Variants in ADGRE1 observed in about 807,000 individuals in gnomAD.
ADGRE1 encodes the protein EGF-like module receptor 1.
In ADGRE1, 82 loss-of-function variants were observed where a neutral mutation model predicts 102.7. The ratio of observed to expected loss-of-function variants is 0.80; its 90% CI spans 0.67 to 0.96. The LOEUF is 0.96. Ranked by LOEUF, ADGRE1 falls within the 40% of genes least tolerant of loss-of-function variation. The pLI is 0.00. For missense variants in ADGRE1, 1,032 were observed against 1,085.3 expected (o/e 0.95, Z 0.69); for synonymous variants, 398 against 399.6 (o/e 1.00, Z 0.05).
intron 17 of ADGRE1, 152 bp downstream of exon 17, chr19:6,928,363 C>G: frequency 2.0e-6 from 3 of 1,500,582 alleles, no homozygotes; most frequent in Non-Finnish European, 1.8e-6. Context: ...TGGTGGCTCA[C>G]GCCTGTAATC....
At chr19:6,928,020 A>G in intron 16 of ADGRE1, 125 bp from the exon 17 acceptor site, 1 of 1,225,472 alleles carries the variant, frequency 8.2e-7, no homozygotes, top group Non-Finnish European at 1.1e-6. Flanking sequence ...AACCGGGACC[A>G]TCCTGAGCAT....
chr19:6,905,820 A>G (rs568790226), intron 8 of ADGRE1, among the ~76,000 whole-genome samples: 2 of 152,146 alleles, frequency 1.3e-5, no homozygotes, highest in African/African-American at 4.8e-5. Context: ...TATCTGATGT[A>G]TTTCCAAATA....
intron 15 of ADGRE1, among the ~76,000 whole-genome samples, chr19:6,925,090 T>C (rs933411468): frequency 8.5e-5 from 13 of 152,298 alleles, no homozygotes; most frequent in Non-Finnish European, 4.4e-5. Context: ...TTATGAATTA[T>C]AGTGGTTCCT....
intron 6 of ADGRE1, among the ~76,000 whole-genome samples, chr19:6,902,718 G>A (rs1041165231): frequency 1.4e-4 from 22 of 151,986 alleles, no homozygotes; most frequent in African/African-American, 5.1e-4. Flanking sequence ...TTGGATTACA[G>A]GCATGAGCCA....
At chr19:6,910,228 A>G (rs607231) in intron 10 of ADGRE1, among the ~76,000 whole-genome samples, 95,570 of 151,822 alleles carry the variant, frequency 0.63, 31,908 homozygotes, top group Non-Finnish European at 0.75. Context: ...TTGATAAATG[A>G]TTAATCCTAT....
At position 6,913,725 on chromosome 19, in the gene ADGRE1, T is replaced by C; in HGVS notation, c.1195T>C (p.Ser399Pro). 1 of 1,613,292 alleles carries C rather than the reference T, an allele frequency of 6.2e-7. No homozygotes were observed. The highest frequency in any genetic ancestry group is 8.5e-7 in the Non-Finnish European group (1 of 1,179,588). Residue 399 changes from serine to proline, a missense_variant, in exon 11 of 21, where the codon TCC (serine) becomes CCC (proline). Coordinates refer to ENST00000312053, the MANE Select transcript of ADGRE1 (RefSeq NM_001974.5). Reference sequence around the variant, plus strand: ...GACTAAATTCACCAAGGAAGAGACGTCCTCCCTGGCCACAGTCTTCCTGGA... The same window carrying C: ...GACTAAATTCACCAAGGAAGAGACGCCCTCCCTGGCCACAGTCTTCCTGGA... ...TWTKFTKEET[S>P]SLATVFLESV...
intron 18 of ADGRE1, 94 bp from the exon 19 acceptor site, chr19:6,937,149 G>C: frequency 3.5e-6 from 5 of 1,423,416 alleles, no homozygotes; most frequent in Non-Finnish European, 4.8e-6. Flanking sequence ...GTGGCAAATT[G>C]GAGAGTGGCC....
intron 16 of ADGRE1, among the ~76,000 whole-genome samples, chr19:6,927,663 G>T (rs1974977455): frequency 6.6e-6 from 1 of 150,894 alleles, no homozygotes. Flanking sequence ...TTATTTATTT[G>T]TTATTTATTT....
At position 6,916,267 on chromosome 19, in the gene ADGRE1, T is replaced by C. The variant is rs1227489056; in HGVS notation, c.1319T>C (p.Ile440Thr). 1.9e-6 allele frequency: 3 copies of C among 1,612,878 alleles called. No homozygotes were observed. The highest frequency in any genetic ancestry group is 2.5e-6 in the Non-Finnish European group (3 of 1,179,298). Residue 440 changes from isoleucine (I) to threonine (T), a missense_variant, in exon 12 of 21, where the codon ATC becomes ACC. Physicochemically the swap from Ile to Thr is moderately conservative, Grantham distance 89. Coordinates refer to ENST00000312053, the MANE Select transcript of ADGRE1 (RefSeq NM_001974.5). Reference sequence around the variant, plus strand: ...TTTTTAGACATTGAGAGCAAAGTTATCAACAAAGAATGCAGTGAAGAGAAT... The same window carrying C: ...TTTTTAGACATTGAGAGCAAAGTTACCAACAAAGAATGCAGTGAAGAGAAT... The part of the protein sequence containing the change: ...TEYLDIESKV[I>T]NKECSEENVT...
chr19:6,897,326 G>C (rs573404152), intron 4 of ADGRE1, 22 bp downstream of exon 4: 2 of 1,613,664 alleles, frequency 1.2e-6, no homozygotes, highest in Non-Finnish European at 1.7e-6. Flanking sequence ...AGGTTCCCAG[G>C]GATGGGTCTT....
At chr19:6,892,908 A>G (rs1363234605) in intron 2 of ADGRE1, among the ~76,000 whole-genome samples, 5 of 152,208 alleles carry the variant, frequency 3.3e-5, no homozygotes, top group African/African-American at 1.2e-4. Context: ...CTACTGTGCT[A>G]CTGAGCACTC....
chr19:6,916,692 A>T, intron 12 of ADGRE1, among the ~76,000 whole-genome samples: 1 of 152,060 alleles, frequency 6.6e-6, no homozygotes, highest in Admixed American at 6.6e-5. Flanking sequence ...TGTTGCACAA[A>T]AAGAAGGATT....
intron 10 of ADGRE1, among the ~76,000 whole-genome samples, chr19:6,911,661 A>T (rs575912069): frequency 1.3e-5 from 2 of 151,704 alleles, no homozygotes; most frequent in African/African-American, 4.8e-5. Context: ...ATGCGCACAC[A>T]CATACACATA....
chr19:6,938,384 T>C (rs1182739407), intron 20 of ADGRE1, among the ~76,000 whole-genome samples: 1 of 152,202 alleles, frequency 6.6e-6, no homozygotes, highest in Non-Finnish European at 1.5e-5. Flanking sequence ...TATATTTATA[T>C]AGAGAAAATT....
intron 17 of ADGRE1, among the ~76,000 whole-genome samples, chr19:6,933,322 TGGG>T (rs1975244278): frequency 6.6e-6 from 1 of 151,562 alleles, no homozygotes. Context: ...ATAATTCCCC[TGGG>T]GCCGTGATTC....
chr19:6,939,513 C>A (rs1218524579), intron 20 of ADGRE1, among the ~76,000 whole-genome samples: 1 of 152,092 alleles, frequency 6.6e-6, no homozygotes, highest in Non-Finnish European at 1.5e-5. Context: ...AACTAAGAAT[C>A]TGGGTTTTCC....
rs201749992 is a variant in ADGRE1 at position 6,937,230 on chromosome 19, A to G, written c.2382-13A>G. ...CCTCCCAGAGCCTTACATGCTGTAC[A>G]TCTTCTCCCCAGGTTACTGACCTTC... On this transcript the variant is annotated splice_polypyrimidine_tract_variant and intron_variant, in intron 18 of 20. Transcript: ENST00000312053. 1.4e-5 allele frequency: 22 copies of G among 1,610,530 alleles called. No individual in the cohort carries two copies. In the East Asian group the frequency reaches 2.0e-4, roughly 15 times the overall value.
At chr19:6,914,384 TG>T (rs1222550825) in intron 11 of ADGRE1, among the ~76,000 whole-genome samples, 1 of 152,220 alleles carries the variant, frequency 6.6e-6, no homozygotes. Flanking sequence ...ATTAATGAGA[TG>T]TAAACACTTG....
intron 2 of ADGRE1, 135 bp downstream of exon 2, chr19:6,890,678 C>T: frequency 1.2e-6 from 1 of 835,224 alleles, no homozygotes; most frequent in Non-Finnish European, 1.9e-6. Flanking sequence ...GGTTAACATG[C>T]AAGTCTCCTG....
Sources: allele counts gnomAD v4.1 joint callset (sites outside exome capture counted in the v4.1 genomes callset), GRCh38; gene constraint gnomAD v4.1.1; transcripts MANE v1.5; gene names NCBI Gene and HGNC (gene_info 2026-07-23, HGNC 2026-07-21).